PSD3: variants seen among roughly 807,000 people sequenced by gnomAD.
PSD3 encodes the protein pleckstrin and Sec7 domain containing 3.
In PSD3, 49 loss-of-function variants were observed where a neutral mutation model predicts 105.5. That is an observed-to-expected ratio of 0.46 (90% confidence interval 0.37 to 0.59). The LOEUF (loss-of-function observed/expected upper bound fraction) is 0.59, where lower values mean the gene tolerates loss of function less well. Among genes scored for constraint, PSD3 ranks in the 20% least tolerant of loss-of-function variants. The probability of loss-of-function intolerance (pLI) is 0.00; values close to 1 mark genes in which losing one functional copy is unlikely to be tolerated. For missense variants in PSD3, 1,561 were observed against 1,263.8 expected, an observed-to-expected ratio of 1.24 and a Z score of -3.57; for synonymous variants, 557 against 457.8, an observed-to-expected ratio of 1.22 and a Z score of -2.77.
At chr8:18,772,059 T>C (rs938210656) in intron 8 of PSD3, among the ~76,000 whole-genome samples, 2 of 152,216 alleles carry the variant, frequency 1.3e-5, no homozygotes, top group African/African-American at 4.8e-5. Flanking sequence ...GTGACAGGAT[T>C]TCTTTCCTTT....
intron 9 of PSD3, among the ~76,000 whole-genome samples, chr8:18,678,620 C>T (rs1043892681): frequency 3.9e-5 from 6 of 152,116 alleles, no homozygotes; most frequent in African/African-American, 7.2e-5. Flanking sequence ...AAGACCAGCC[C>T]GACAAACATG....
intron 9 of PSD3, among the ~76,000 whole-genome samples, chr8:18,704,407 G>T (rs756818768): frequency 6.6e-6 from 1 of 151,854 alleles, no homozygotes; most frequent in Middle Eastern, 3.4e-3. Flanking sequence ...GTGTGGTCTC[G>T]GCTCACTGAA....
chr8:18,829,905 A>G (rs943546201), intron 4 of PSD3, among the ~76,000 whole-genome samples: 3 of 152,228 alleles, frequency 2.0e-5, no homozygotes, highest in African/African-American at 7.2e-5. Context: ...ATAAAAAATA[A>G]TAATCACAAC....
chr8:18,988,227 T>C (rs1825609163), intron 1 of PSD3, among the ~76,000 whole-genome samples: 1 of 152,066 alleles, frequency 6.6e-6, no homozygotes, highest in Non-Finnish European at 1.5e-5. Flanking sequence ...TGTGAGTCCT[T>C]TGCAAAGATT....
intron 9 of PSD3, 81 bp downstream of exon 9, chr8:18,765,368 T>C (rs906954967): frequency 2.4e-6 from 3 of 1,271,310 alleles, no homozygotes; most frequent in Non-Finnish European, 3.4e-6. Context: ...ACTTAAGTGA[T>C]CCTTAGCCTA....
intron 8 of PSD3, among the ~76,000 whole-genome samples, chr8:18,778,410 G>A (rs1315457587): frequency 6.6e-6 from 1 of 152,066 alleles, no homozygotes; most frequent in Non-Finnish European, 1.5e-5. Context: ...GTTATCTGAA[G>A]AAAGGACAAT....
chr8:18,677,884 C>A (rs1315505254), intron 9 of PSD3, among the ~76,000 whole-genome samples: 1 of 151,910 alleles, frequency 6.6e-6, no homozygotes, highest in Non-Finnish European at 1.5e-5. Context: ...GTGGCGGGTG[C>A]CTGTAGTCCC....
intron 9 of PSD3, among the ~76,000 whole-genome samples, chr8:18,754,289 CAG>C (rs150690212): frequency 0.018 from 2,677 of 152,218 alleles, 135 homozygotes; most frequent in East Asian, 0.17. Flanking sequence ...GAGGCTAAGA[CAG>C]GGGAATCACT....
intron 12 of PSD3, among the ~76,000 whole-genome samples, chr8:18,591,979 G>C (rs781037005): frequency 6.6e-6 from 1 of 152,120 alleles, no homozygotes; most frequent in Non-Finnish European, 1.5e-5. Context: ...TACTGGAAGA[G>C]GTGGCTGATT....
At chr8:18,999,789 C>T (rs1826278480) in intron 1 of PSD3, among the ~76,000 whole-genome samples, 1 of 151,400 alleles carries the variant, frequency 6.6e-6, no homozygotes, top group Non-Finnish European at 1.5e-5. Flanking sequence ...CTTTCTAACT[C>T]CCCTCTGAAT....
chr8:18,645,770 T>C (rs995114593), intron 10 of PSD3, among the ~76,000 whole-genome samples: 2 of 152,202 alleles, frequency 1.3e-5, no homozygotes, highest in African/African-American at 4.8e-5. Flanking sequence ...CATTTAATTG[T>C]ATGAGCACCT....
chr8:18,907,072 T>C (rs903553653), intron 2 of PSD3, among the ~76,000 whole-genome samples: 3 of 152,236 alleles, frequency 2.0e-5, no homozygotes, highest in African/African-American at 4.8e-5. Context: ...CATTACAAAA[T>C]AGTCCAAAGG....
intron 1 of PSD3, among the ~76,000 whole-genome samples, chr8:19,048,048 C>T (rs543402671): frequency 6.6e-6 from 1 of 152,246 alleles, no homozygotes; most frequent in Non-Finnish European, 1.5e-5. Context: ...AACCTAGAAA[C>T]AAGGAGTATG....
In PSD3 at chr8:18,763,383, CATG is replaced by C. The variant is rs147760061; in HGVS notation, c.2172+2063_2172+2065del. 4.7e-3 allele frequency among the ~76,000 whole-genome samples: 708 copies of C among 152,120 alleles called. 6 individuals carry two copies. The highest frequency in any genetic ancestry group is 0.029 in the East Asian group (150 of 5,178). On this transcript the variant is annotated intron_variant, in intron 9 of 15. Coordinates refer to ENST00000327040, the MANE Select transcript of PSD3 (RefSeq NM_015310.4). ...AGGTGGCAAAGAAAGAGAGAATGAC[CATG>C]ATATTAAAAACCTGTAAGATGACAC...
intron 9 of PSD3, among the ~76,000 whole-genome samples, chr8:18,761,912 G>A (rs906561742): frequency 2.0e-5 from 3 of 152,178 alleles, no homozygotes; most frequent in Non-Finnish European, 2.9e-5. Flanking sequence ...CATACCAGAT[G>A]ATCTGGCCTA....
intron 1 of PSD3, among the ~76,000 whole-genome samples, chr8:18,966,674 G>A (rs1824272376): frequency 6.6e-6 from 1 of 151,978 alleles, no homozygotes; most frequent in African/African-American, 2.4e-5. Context: ...TTCTCAAACA[G>A]GGGACTCCTC....
At chr8:19,068,892 C>T (rs1829163679) in intron 1 of PSD3, among the ~76,000 whole-genome samples, 1 of 152,086 alleles carries the variant, frequency 6.6e-6, no homozygotes, top group African/African-American at 2.4e-5. Flanking sequence ...ACATCTGCTT[C>T]CTTTCAAGGG....
At position 18,887,705 on chromosome 8, in the gene PSD3, G is replaced by A. The variant is rs17127402; in HGVS notation, c.131-14972C>T. Among the ~76,000 whole-genome samples, 1,465 of 152,232 alleles carry A rather than the reference G, an allele frequency of 9.6e-3. 27 individuals are homozygous for A. The highest frequency in any genetic ancestry group is 0.034 in the African/African-American group (1,399 of 41,538). On this transcript the variant is annotated intron_variant, in intron 2 of 15. Transcript: ENST00000327040. Reference sequence around the variant, plus strand: ...ATTTCCAACCAGTATGAGGATGCATGGGCTGACAATACAAACCACTTCACA... The same window carrying A: ...ATTTCCAACCAGTATGAGGATGCATAGGCTGACAATACAAACCACTTCACA...
intron 11 of PSD3, among the ~76,000 whole-genome samples, chr8:18,627,935 T>C (rs1025110836): frequency 3.3e-5 from 5 of 151,594 alleles, no homozygotes; most frequent in Admixed American, 2.6e-4. Context: ...AATAAATATA[T>C]TCAAGGACAT....
Sources: allele counts gnomAD v4.1 joint callset (sites outside exome capture counted in the v4.1 genomes callset), GRCh38; gene constraint gnomAD v4.1.1; transcripts MANE v1.5; gene names NCBI Gene and HGNC (gene_info 2026-07-23, HGNC 2026-07-21).